The following KDM2B variants were observed in gnomAD, a reference collection of about 807,000 sequenced individuals.
The protein encoded by KDM2B is lysine-specific demethylase 2B.
In KDM2B, 26 loss-of-function variants were observed where a neutral mutation model predicts 150.0. The ratio of observed to expected loss-of-function variants is 0.17; its 90% CI spans 0.13 to 0.24. KDM2B has a LOEUF of 0.24. Among genes scored for constraint, KDM2B ranks in the 10% least tolerant of loss-of-function variants. The pLI is 1.00. For synonymous variants in KDM2B, 734 were observed against 729.5 expected (o/e 1.01, Z -0.10); for missense variants, 1,265 against 1,816.9 (o/e 0.70, Z 5.52).
chr12:121,524,829 G>A (rs928327000), intron 8 of KDM2B: 46 of 312,306 alleles, frequency 1.5e-4, no homozygotes, highest in African/African-American at 7.9e-4. Context: ...CAGGCCAAGC[G>A]ACCAGGGACA....
chr12:121,477,007 G>A (rs1241556776), intron 12 of KDM2B, among the ~76,000 whole-genome samples: 2 of 152,172 alleles, frequency 1.3e-5, no homozygotes, highest in African/African-American at 2.4e-5. Flanking sequence ...GCCAAACATC[G>A]CCAGCTAATT....
chr12:121,499,955 A>T (rs1240611582), intron 11 of KDM2B, among the ~76,000 whole-genome samples: 3 of 151,716 alleles, frequency 2.0e-5, no homozygotes, highest in South Asian at 2.1e-4. Flanking sequence ...ACTCAAAAAA[A>T]AATAATTATT....
At chr12:121,559,761 G>A (rs1437173154) in intron 4 of KDM2B, among the ~76,000 whole-genome samples, 2 of 152,140 alleles carry the variant, frequency 1.3e-5, no homozygotes, top group East Asian at 3.9e-4. Context: ...AAATTAGTCA[G>A]GCATGGTGGC....
At chr12:121,434,657 A>C (rs1169111579) in intron 22 of KDM2B, among the ~76,000 whole-genome samples, 2 of 152,178 alleles carry the variant, frequency 1.3e-5, no homozygotes, top group Non-Finnish European at 2.9e-5. Flanking sequence ...TTCGACATGC[A>C]AAAGAATAAG....
chr12:121,519,417 G>A (rs1257854957), intron 9 of KDM2B, among the ~76,000 whole-genome samples: 11 of 152,172 alleles, frequency 7.2e-5, no homozygotes, highest in Admixed American at 5.2e-4. Flanking sequence ...AAATGGTGTG[G>A]TCTGGCTACA....
chr12:121,469,639 CTTG>C (rs1880544477), intron 12 of KDM2B: 3 of 149,840 alleles, frequency 2.0e-5, no homozygotes, highest in East Asian at 2.0e-4. Context: ...AAAAGGCTAC[CTTG>C]TTGTCTGAAG....
intron 1 of KDM2B, chr12:121,579,538 G>T: frequency 8.0e-7 from 1 of 1,248,976 alleles, no homozygotes; most frequent in East Asian, 5.6e-5. Context: ...GGTGGGGGGA[G>T]GAGAATCGGG....
Position 121,430,118 on chromosome 12 carries a change from A to G in KDM2B, c.*170T>C. On this transcript the variant is annotated 3_prime_UTR_variant, in exon 23 of 23. Transcript: ENST00000377071. This position sits in a 1 kb window ranked among gnomAD's most constrained non-coding sequence, Gnocchi z 4.4. ...AAAGACCAAAGGAAAGTGTCGGCTCACTCATCCCCCAAACGGGTGGTTGAA... is the reference window on the plus strand; with the variant it reads ...AAAGACCAAAGGAAAGTGTCGGCTCGCTCATCCCCCAAACGGGTGGTTGAA... The G allele has an allele frequency of 1.2e-6, 2 of 1,612,454 alleles. No homozygotes were observed. Among genetic ancestry groups the G allele is most frequent in the Non-Finnish European group, 1.7e-6 (2 of 1,178,478 alleles).
chr12:121,542,350 G>A (rs1402237514), intron 6 of KDM2B, among the ~76,000 whole-genome samples: 14 of 152,200 alleles, frequency 9.2e-5, no homozygotes, highest in Admixed American at 7.2e-4. Context: ...TCACTATGTT[G>A]GCCAGGCTGC....
At chr12:121,536,107 C>G in intron 6 of KDM2B, 1 of 985,750 alleles carries the variant, frequency 1.0e-6, no homozygotes, top group African/African-American at 1.7e-5. Context: ...GCCAGCAGCG[C>G]GCCGGCACGA....
intron 10 of KDM2B, among the ~76,000 whole-genome samples, chr12:121,512,648 T>C (rs1228366761): frequency 1.3e-5 from 2 of 152,176 alleles, no homozygotes; most frequent in African/African-American, 4.8e-5. Context: ...TGGTCGGGGC[T>C]TGCAGTCACA....
intron 12 of KDM2B, among the ~76,000 whole-genome samples, chr12:121,473,865 G>A (rs75571812): frequency 0.012 from 1,809 of 152,156 alleles, 40 homozygotes; most frequent in African/African-American, 0.042. Flanking sequence ...AACAAAACAC[G>A]GTCTATCCCT....
chr12:121,425,034 A>C (rs999308573), downstream of KDM2B, among the ~76,000 whole-genome samples: 22 of 152,084 alleles, frequency 1.4e-4, no homozygotes, highest in African/African-American at 5.3e-4. Context: ...AACTTGGGCC[A>C]GGTGTGGTGG....
At position 121,443,014 on chromosome 12, in the gene KDM2B, T is replaced by G. The variant is rs782814474; in HGVS notation, c.2582A>C (p.Glu861Ala). ...TACCTTTTTCCTGAAAAGCTTATCT[T>G]CTTTGCCAGGTTTGAGCTGTCACGA... ...YFQQQLKPGK[E>A]DKLFRKKRRS... The change falls in exon 18 of 23, where the codon GAA becomes GCA. Residue 861 changes from glutamate to alanine, a missense_variant. Glu to Ala is a moderately radical substitution (Grantham distance 107). Transcript: ENST00000377071. 4.6e-5 allele frequency: 75 copies of G among 1,613,182 alleles called. No individual in the cohort carries two copies. Among genetic ancestry groups the G allele is most frequent in the Non-Finnish European group, 6.1e-5 (72 of 1,179,696 alleles).
intron 12 of KDM2B, among the ~76,000 whole-genome samples, chr12:121,456,358 C>T (rs1406812197): frequency 7.9e-5 from 12 of 152,208 alleles, no homozygotes; most frequent in Admixed American, 7.9e-4. Context: ...AAACGTTTCT[C>T]CCTGTCATCA....
At chr12:121,499,212 C>A (rs1884276776) in intron 11 of KDM2B, among the ~76,000 whole-genome samples, 1 of 151,126 alleles carries the variant, frequency 6.6e-6, no homozygotes. Context: ...CCCAGTTCCA[C>A]CGACTCCCTG....
At chr12:121,524,290 C>T (rs1369812818) in intron 8 of KDM2B, among the ~76,000 whole-genome samples, 2 of 152,178 alleles carry the variant, frequency 1.3e-5, no homozygotes, top group Non-Finnish European at 2.9e-5. Context: ...CTCTGTCGAT[C>T]ACAAGGGCTC....
At chr12:121,441,039 A>C in intron 20 of KDM2B, 31 bp downstream of exon 20, 1 of 1,613,294 alleles carries the variant, frequency 6.2e-7, no homozygotes, top group Non-Finnish European at 8.5e-7. Flanking sequence ...ACTGCAGCAG[A>C]CACACTCGGG....
chr12:121,440,416 G>A (rs1254393527), intron 21 of KDM2B: 5 of 415,022 alleles, frequency 1.2e-5, no homozygotes, highest in Non-Finnish European at 2.2e-5. Context: ...CAGTCCAGGG[G>A]GAGGTGCCAT....
Sources: gnomAD v4.1 joint callset for allele counts (sites outside exome capture counted in the v4.1 genomes callset) on GRCh38, gnomAD v4.1.1 for gene constraint, Gnocchi (gnomAD v3.1) non-coding constraint, MANE v1.5 for transcripts, NCBI Gene and HGNC (gene_info 2026-07-23, HGNC 2026-07-21) for gene names.